The following ZNF266 variants were observed in gnomAD, a reference collection of about 807,000 sequenced individuals.
ZNF266 encodes the protein zinc finger protein 266, also known as zinc finger protein 1.
A neutral mutation model predicts 16.4 loss-of-function variants in ZNF266; 16 were observed. The observed-to-expected ratio is 0.98, with a 90% CI of 0.66 to 1.48. The LOEUF (loss-of-function observed/expected upper bound fraction) is 1.48. Among genes scored for constraint, ZNF266 ranks in the 40% most tolerant of loss-of-function variants. The pLI, the probability that ZNF266 is intolerant of heterozygous loss-of-function variation, is 0.00. For synonymous variants in ZNF266, 262 were observed against 237.9 expected, an observed-to-expected ratio of 1.10 and a Z score of -0.93; for missense variants, 738 against 689.1, an observed-to-expected ratio of 1.07 and a Z score of -0.79.
intron 5 of ZNF266, among the ~76,000 whole-genome samples, chr19:9,424,353 C>T (rs1160054743): frequency 1.3e-5 from 2 of 152,100 alleles, no homozygotes; most frequent in Non-Finnish European, 2.9e-5. Flanking sequence ...GTAGAACCTC[C>T]GAGTACTTCT....
intron 5 of ZNF266, among the ~76,000 whole-genome samples, chr19:9,426,412 C>A (rs762009713): frequency 6.6e-6 from 1 of 151,892 alleles, no homozygotes; most frequent in African/African-American, 2.4e-5. Context: ...AAGCACTGGG[C>A]GCCTTACCCC....
At chr19:9,431,877 C>A (rs2071659744) in intron 5 of ZNF266, among the ~76,000 whole-genome samples, 1 of 152,210 alleles carries the variant, frequency 6.6e-6, no homozygotes, top group African/African-American at 2.4e-5. Context: ...CACGCACGAC[C>A]TTTGACCAGT....
At chr19:9,415,488 G>A (rs1001096007) in intron 10 of ZNF266, among the ~76,000 whole-genome samples, 166 bp downstream of exon 10, 4 of 152,116 alleles carry the variant, frequency 2.6e-5, no homozygotes, top group South Asian at 4.1e-4. Context: ...ACGTTGACCA[G>A]GCTGGTCTAG....
chr19:9,417,590 G>A (rs774454946), intron 9 of ZNF266, among the ~76,000 whole-genome samples: 236 of 152,162 alleles, frequency 1.6e-3, no homozygotes, highest in Non-Finnish European at 2.2e-3. Flanking sequence ...AGCCAGGCAT[G>A]GTGGCGTGAG....
At chr19:9,422,055 G>A (rs1177953778) in intron 5 of ZNF266, among the ~76,000 whole-genome samples, 1 of 152,154 alleles carries the variant, frequency 6.6e-6, no homozygotes, top group Non-Finnish European at 1.5e-5. Context: ...GTTTCACCCT[G>A]TCAGCCAGGA....
At position 9,415,727 on chromosome 19, in the gene ZNF266, A is replaced by G. The variant is rs140935520; in HGVS notation, c.332T>C (p.Val111Ala). The G allele has an allele frequency of 5.0e-6, 8 of 1,612,916 alleles. No individual in the cohort carries two copies. The African/African-American group carries it at 9.3e-5, about 19-fold the overall frequency. The stretch of plus-strand genomic sequence containing the variant: ...GGCTAACTCTTTGGTTTTAAGTTGC[A>G]CTTTCCATTCTGAAGCTGAAGAGAA... ...RGDFQASEWK[V>A]QLKTKELALQ... Residue 111 changes from valine to alanine, a missense_variant, in exon 10 of 11, where the codon GTG becomes GCG. Physicochemically the swap from Val to Ala is moderately conservative, Grantham distance 64 (BLOSUM62 0). Coordinates refer to ENST00000592904, the MANE Select transcript of ZNF266 (RefSeq NM_001370374.1).
In ZNF266 at chr19:9,414,218, C is replaced by A; in HGVS notation, c.908G>T (p.Gly303Val). 1 of 1,614,164 alleles carries A rather than the reference C, an allele frequency of 6.2e-7. No individual in the cohort carries two copies. Among genetic ancestry groups the A allele is most frequent in the East Asian group, 2.2e-5 (1 of 44,880 alleles). Reference sequence around the variant, plus strand: ...CTCCTTACACTCATAGGGATTGTCTCCAGTGTGGGTTCCCATGTGAATATT... The same window carrying A: ...CTCCTTACACTCATAGGGATTGTCTACAGTGTGGGTTCCCATGTGAATATT... ...YLNIHMGTHT[G>V]DNPYECKECG... Residue 303 changes from glycine (G) to valine (V), a missense_variant, in exon 11 of 11, where the codon GGA becomes GTA. Gly to Val is a moderately radical substitution (Grantham distance 109, BLOSUM62 -3). Coordinates refer to ENST00000592904, the MANE Select transcript of ZNF266 (RefSeq NM_001370374.1).
chr19:9,432,679 A>C (rs1000757637), intron 5 of ZNF266, among the ~76,000 whole-genome samples: 1 of 152,216 alleles, frequency 6.6e-6, no homozygotes, highest in African/African-American at 2.4e-5. Flanking sequence ...CTAATATTAA[A>C]TATTGAAATA....
chr19:9,414,030 T>G lies in ZNF266; in HGVS notation c.1096A>C (p.Lys366Gln). ...CTAGTGAAGGCTATCCCACATTCCT[T>G]GCATTCATAAGGCTTCTCACCCACA... is the stretch of plus-strand genomic sequence containing the variant. ...IHVGEKPYEC[K>Q]ECGIAFTRSS... The change falls in exon 11 of 11, where the codon AAG becomes CAG. Residue 366 changes from lysine to glutamine, a missense_variant. Transcript: ENST00000592904. The G allele has an allele frequency of 1.2e-6, 2 of 1,614,178 alleles. No homozygotes were observed. Among genetic ancestry groups the G allele is most frequent in the Non-Finnish European group, 1.7e-6 (2 of 1,180,026 alleles).
chr19:9,421,071 AATT>A (rs1272905855), intron 5 of ZNF266, among the ~76,000 whole-genome samples: 1 of 152,230 alleles, frequency 6.6e-6, no homozygotes, highest in Non-Finnish European at 1.5e-5. Context: ...ATTTAATAAA[AATT>A]AATCACAATC....
intron 5 of ZNF266, among the ~76,000 whole-genome samples, chr19:9,424,478 G>C (rs1397844391): frequency 6.6e-6 from 1 of 152,156 alleles, no homozygotes; most frequent in Non-Finnish European, 1.5e-5. Flanking sequence ...ACAAAACCCG[G>C]AGCAGCTGAG....
chr19:9,429,631 C>T (rs2123410924), intron 5 of ZNF266, among the ~76,000 whole-genome samples: 1 of 152,238 alleles, frequency 6.6e-6, no homozygotes, highest in Non-Finnish European at 1.5e-5. Context: ...ACTAAAACCT[C>T]CACACAGTGA....
intron 10 of ZNF266, 82 bp from the exon 11 acceptor site, chr19:9,414,802 G>T: frequency 7.2e-7 from 1 of 1,388,124 alleles, no homozygotes; most frequent in Non-Finnish European, 9.6e-7. Flanking sequence ...GAGGAACACT[G>T]TGATGATTAT....
chr19:9,430,463 T>C (rs923832978), intron 5 of ZNF266, among the ~76,000 whole-genome samples: 2 of 152,158 alleles, frequency 1.3e-5, no homozygotes, highest in African/African-American at 4.8e-5. Context: ...CCTCCAGCCT[T>C]GCCTATCCAA....
chr19:9,424,913 C>T (rs1023103912), intron 5 of ZNF266, among the ~76,000 whole-genome samples: 1 of 152,112 alleles, frequency 6.6e-6, no homozygotes, highest in African/African-American at 2.4e-5. Flanking sequence ...CAAAGAAATT[C>T]CTATGTGTGT....
chr19:9,430,189 GA>G (rs949246407), intron 5 of ZNF266, among the ~76,000 whole-genome samples: 31 of 152,126 alleles, frequency 2.0e-4, no homozygotes, highest in Non-Finnish European at 2.8e-4. Context: ...CAGGGATGTG[GA>G]ACATGTAGTA....
intron 9 of ZNF266, among the ~76,000 whole-genome samples, chr19:9,417,395 A>C (rs1375333001): frequency 6.6e-6 from 1 of 151,450 alleles, no homozygotes; most frequent in African/African-American, 2.4e-5. Flanking sequence ...TAAAAAAAAT[A>C]ATGGCCTCAA....
chr19:9,427,537 G>C (rs2070940270), intron 5 of ZNF266, among the ~76,000 whole-genome samples: 1 of 151,938 alleles, frequency 6.6e-6, no homozygotes. Context: ...ATGTTAGCCA[G>C]GCTGGTCTTG....
At position 9,413,417 on chromosome 19, in the gene ZNF266, T is replaced by C. The variant is rs758727897; in HGVS notation, c.1709A>G (p.Tyr570Cys). 1 of 1,612,694 alleles carries C rather than the reference T, an allele frequency of 6.2e-7. No individual in the cohort carries two copies. Among genetic ancestry groups the C allele is most frequent in the Non-Finnish European group, 8.5e-7 (1 of 1,179,720 alleles). ...KCKQCGKSFSYSNSFQLHERT... is the reference protein window; with the variant it reads ...KCKQCGKSFSCSNSFQLHERT... ...TTCATGTAACTGAAACGAATTGGAG[T>C]AACTGAAGGATTTCCCACACTGTTT... is the stretch of plus-strand genomic sequence containing the variant. The change falls in exon 11 of 11, where the codon TAC becomes TGC. Residue 570 changes from tyrosine (Y) to cysteine (C), a missense_variant. Transcript: ENST00000592904.
Sources: gnomAD v4.1 joint callset for allele counts (sites outside exome capture counted in the v4.1 genomes callset) on GRCh38, gnomAD v4.1.1 for gene constraint, MANE v1.5 for transcripts, NCBI Gene and HGNC (gene_info 2026-07-23, HGNC 2026-07-21) for gene names.